The following BACE2 variants were observed in gnomAD, a reference collection of about 807,000 sequenced individuals.
The protein encoded by BACE2 is 56 kDa aspartic-like protease.
Under a neutral mutation model 46.2 loss-of-function variants are expected in BACE2, and 17 were observed. That is an observed-to-expected ratio of 0.37 (90% CI 0.25 to 0.55). BACE2 has a LOEUF of 0.55. Among genes scored for constraint, BACE2 ranks in the 20% least tolerant of loss-of-function variants. BACE2 has a pLI of 0.82. For synonymous variants in BACE2, 277 were observed against 295.9 expected, an observed-to-expected ratio of 0.94 and a Z score of 0.66; for missense variants, 595 against 698.1, an observed-to-expected ratio of 0.85 and a Z score of 1.66.
chr21:41,218,885 ACAGAGTCTCG>A (rs1986555596), intron 1 of BACE2, among the ~76,000 whole-genome samples: 1 of 116,576 alleles, frequency 8.6e-6, no homozygotes, highest in African/African-American at 3.7e-5. Flanking sequence ...TTTTTTTGTG[ACAGAGTCTCG>A]CTCTGTCACC....
intron 2 of BACE2, 72 bp from the exon 3 acceptor site, chr21:41,237,441 G>C: frequency 8.6e-7 from 1 of 1,164,884 alleles, no homozygotes; most frequent in Non-Finnish European, 1.1e-6. Flanking sequence ...GCAAGACTCC[G>C]TCTCAAAAAT....
At chr21:41,199,673 G>A (rs1011789120) in intron 1 of BACE2, among the ~76,000 whole-genome samples, 5 of 152,104 alleles carry the variant, frequency 3.3e-5, no homozygotes, top group Non-Finnish European at 5.9e-5. Flanking sequence ...TCCCACTCAC[G>A]CTTCCTACTT....
At chr21:41,256,888 G>A (rs564821837) in intron 7 of BACE2, among the ~76,000 whole-genome samples, 2 of 152,320 alleles carry the variant, frequency 1.3e-5, no homozygotes, top group South Asian at 4.1e-4. Flanking sequence ...TCAGCAAACA[G>A]TTGGACAGAC....
intron 1 of BACE2, chr21:41,179,719 A>C: frequency 8.3e-7 from 1 of 1,210,702 alleles, no homozygotes; most frequent in Non-Finnish European, 1.1e-6. Flanking sequence ...GCTTACAGGC[A>C]ATTAAAAAGG....
At chr21:41,232,512 C>A (rs915939055) in intron 2 of BACE2, among the ~76,000 whole-genome samples, 3 of 152,224 alleles carry the variant, frequency 2.0e-5, no homozygotes, top group African/African-American at 7.2e-5. Flanking sequence ...GACCTGGGGC[C>A]TCAGTGGAGG....
chr21:41,245,535 G>A (rs542706206), intron 5 of BACE2, among the ~76,000 whole-genome samples: 5 of 152,344 alleles, frequency 3.3e-5, no homozygotes, highest in Admixed American at 1.3e-4. Context: ...CCTTCTCTTC[G>A]TTAGTGAGGT....
chr21:41,194,631 G>C (rs1414611782), intron 1 of BACE2, among the ~76,000 whole-genome samples: 3 of 152,204 alleles, frequency 2.0e-5, no homozygotes, highest in Non-Finnish European at 2.9e-5. Context: ...CTTTGGGAGA[G>C]AGGTCAGGGA....
At chr21:41,233,210 A>G (rs1045351438) in intron 2 of BACE2, among the ~76,000 whole-genome samples, 1 of 152,236 alleles carries the variant, frequency 6.6e-6, no homozygotes, top group East Asian at 1.9e-4. Context: ...TTATAATAAT[A>G]GCAGCTATTT....
intron 1 of BACE2, among the ~76,000 whole-genome samples, chr21:41,226,015 A>G (rs1986806860): frequency 6.6e-6 from 1 of 152,168 alleles, no homozygotes; most frequent in African/African-American, 2.4e-5. Flanking sequence ...AACAGAATCC[A>G]TTCTCTTTTA....
intron 1 of BACE2, among the ~76,000 whole-genome samples, chr21:41,201,660 G>A (rs1343668257): frequency 1.3e-5 from 2 of 152,216 alleles, no homozygotes; most frequent in East Asian, 1.9e-4. Context: ...GAGGCGCAAC[G>A]CACAGCTAGT....
intron 1 of BACE2, chr21:41,175,667 C>G (rs1233995838): frequency 6.5e-6 from 1 of 152,820 alleles, no homozygotes; most frequent in East Asian, 1.9e-4. Context: ...AAAGCAGCCC[C>G]CAGGATTTCA....
intron 1 of BACE2, among the ~76,000 whole-genome samples, chr21:41,171,390 A>T (rs59189463): frequency 0.012 from 1,860 of 152,292 alleles, 52 homozygotes; most frequent in African/African-American, 0.043. Flanking sequence ...CGAAGGCTTT[A>T]ATCAGGAACT....
intron 3 of BACE2, 149 bp from the exon 4 acceptor site, chr21:41,241,670 G>A: frequency 1.2e-6 from 1 of 840,642 alleles, no homozygotes; most frequent in Non-Finnish European, 1.8e-6. Flanking sequence ...TGAATTCCTA[G>A]ACCCAATCAC....
chr21:41,241,082 C>T (rs565793615), intron 3 of BACE2, among the ~76,000 whole-genome samples: 6 of 152,288 alleles, frequency 3.9e-5, no homozygotes, highest in Non-Finnish European at 7.4e-5. Flanking sequence ...ACATGACCAC[C>T]GGCACCCCTG....
intron 1 of BACE2, among the ~76,000 whole-genome samples, chr21:41,170,306 A>C (rs1348816694): frequency 6.6e-6 from 1 of 152,200 alleles, no homozygotes; most frequent in African/African-American, 2.4e-5. Flanking sequence ...TAATTTAATT[A>C]ACAGAAATGT....
In BACE2 at chr21:41,250,844, C is replaced by T. The variant is rs1474619939; in HGVS notation, c.1077C>T (p.Ser359=). ...ETPWSYFPKI[S]IYLRDENSSR... ...CTTGGTCTTACTTCCCTAAAATCTC[C>T]ATCTACCTGAGAGACGAGAACTCCA... is the stretch of plus-strand genomic sequence containing the variant. The change falls in exon 7 of 9, where the codon TCC becomes TCT. Residue 359 remains serine, a synonymous_variant. Coordinates refer to ENST00000330333, the MANE Select transcript of BACE2 (RefSeq NM_012105.5). 29 of 1,614,162 alleles carry T rather than the reference C, an allele frequency of 1.8e-5. No homozygotes were observed. Among genetic ancestry groups the T allele is most frequent in the Non-Finnish European group, 2.5e-5 (29 of 1,179,974 alleles).
At chr21:41,208,362 T>C (rs1986195553) in intron 1 of BACE2, among the ~76,000 whole-genome samples, 1 of 152,214 alleles carries the variant, frequency 6.6e-6, no homozygotes, top group South Asian at 2.1e-4. Flanking sequence ...TGCAGGTGCC[T>C]GCACCTTCTG....
intron 8 of BACE2, among the ~76,000 whole-genome samples, chr21:41,268,832 C>G (rs1383997611): frequency 1.3e-5 from 2 of 152,152 alleles, no homozygotes; most frequent in African/African-American, 4.8e-5. Context: ...ACAGCACACA[C>G]AGCACATATG....
chr21:41,209,998 CT>C (rs1320122611), intron 1 of BACE2, among the ~76,000 whole-genome samples: 43 of 152,038 alleles, frequency 2.8e-4, no homozygotes, highest in Admixed American at 2.1e-3. Context: ...GGAGGTCCCC[CT>C]TCCCCCTAAC....
Sources: gnomAD v4.1 joint callset for allele counts (sites outside exome capture counted in the v4.1 genomes callset) on GRCh38, gnomAD v4.1.1 for gene constraint, MANE v1.5 for transcripts, NCBI Gene and HGNC (gene_info 2026-07-23, HGNC 2026-07-21) for gene names.